The following GAS6 variants were observed in gnomAD, a reference collection of about 807,000 sequenced individuals.
GAS6 encodes the protein growth arrest-specific protein 6.
Under a neutral mutation model 75.8 loss-of-function variants are expected in GAS6, and 41 were observed. The ratio of observed to expected loss-of-function variants is 0.54; its 90% confidence interval spans 0.42 to 0.70. The LOEUF (loss-of-function observed/expected upper bound fraction) is 0.70. Among genes scored for constraint, GAS6 ranks in the 30% least tolerant of loss-of-function variants. The pLI, the probability that GAS6 is intolerant of heterozygous loss-of-function variation, is 0.00. For synonymous variants in GAS6, 432 were observed against 412.6 expected, an observed-to-expected ratio of 1.05 and a Z score of -0.57; for missense variants, 854 against 940.2, an observed-to-expected ratio of 0.91 and a Z score of 1.20.
At chr13:113,855,296 G>A (rs2051905643) in intron 2 of GAS6, among the ~76,000 whole-genome samples, 1 of 152,116 alleles carries the variant, frequency 6.6e-6, no homozygotes, top group African/African-American at 2.4e-5. Context: ...TGGGGCCTAG[G>A]CTTCCATCAG....
chr13:113,847,055 G>C (rs938989602), intron 3 of GAS6: 2 of 501,942 alleles, frequency 4.0e-6, no homozygotes, highest in Admixed American at 2.0e-5. Flanking sequence ...TAGGGCGGCG[G>C]GGGGAGGCGA....
Position 113,839,749 on chromosome 13 carries a change from C to G in GAS6, c.445G>C (p.Gly149Arg). 13 of 1,613,966 alleles carry G rather than the reference C, an allele frequency of 8.1e-6. No homozygotes were observed. Among genetic ancestry groups the G allele is most frequent in the Non-Finnish European group, 1.0e-5 (12 of 1,179,974 alleles). The change falls in exon 5 of 15, where the codon GGG (glycine) becomes CGG (arginine). Residue 149 changes from glycine (G) to arginine (R), a missense_variant. Coordinates refer to ENST00000327773, the MANE Select transcript of GAS6 (RefSeq NM_000820.4). ...GTACCTTTGTCGCAGAGCCGGCCCC[C>G]CCAGCCAGCTTTACACAGGCAGAAG... ...NFFCLCKAGW[G>R]GRLCDKDVNE...
At chr13:113,823,735 C>T (rs921648253) in intron 12 of GAS6, among the ~76,000 whole-genome samples, 185 bp from the exon 13 acceptor site, 16 of 152,286 alleles carry the variant, frequency 1.1e-4, no homozygotes, top group East Asian at 3.9e-4. Flanking sequence ...CCAGAGGCAC[C>T]GGGGACCCCC....
chr13:113,829,154 C>T lies in GAS6; in HGVS notation c.1144-443G>A, dbSNP rs112099619. Among the ~76,000 whole-genome samples the T allele has an allele frequency of 1.7e-3, 169 of 99,712 alleles. 5 individuals carry two copies. The highest frequency in any genetic ancestry group is 0.011 in the African/African-American group (161 of 14,802). 65.4% of individuals were successfully genotyped at this position (99,712 alleles called of 152,430 possible). The stretch of plus-strand genomic sequence containing the variant: ...AGGGTCCCGACCTCAGGGAGACCAC[C>T]TGATCCTCCCCTGAGCCAAGAGGGT... On this transcript the variant is annotated intron_variant, in intron 10 of 14. Coordinates refer to ENST00000327773, the MANE Select transcript of GAS6 (RefSeq NM_000820.4).
intron 10 of GAS6, among the ~76,000 whole-genome samples, chr13:113,829,331 A>G (rs1450616220): frequency 6.8e-6 from 1 of 148,098 alleles, no homozygotes; most frequent in East Asian, 2.1e-4. Context: ...AATCTCAGGG[A>G]GACCACCTGA....
At position 113,832,736 on chromosome 13, in the gene GAS6, A is replaced by G. The variant is rs199643057; in HGVS notation, c.851T>C (p.Val284Ala). The G allele has an allele frequency of 6.2e-7, 1 of 1,612,712 alleles. No homozygotes were observed. The highest frequency in any genetic ancestry group is 8.5e-7 in the Non-Finnish European group (1 of 1,179,924). ...MDTCEDILPCVPFSVAKSVKS... is the reference protein window; with the variant it reads ...MDTCEDILPCAPFSVAKSVKS... ...CACACTCTTGGCCACGCTGAAGGGC[A>G]CGCACGGCAAGATGTCCTGCCACGG... Residue 284 changes from valine (V) to alanine (A), a missense_variant, in exon 9 of 15, where the codon GTG becomes GCG. By Grantham distance (64) the Val-to-Ala change is moderately conservative. Coordinates refer to ENST00000327773, the MANE Select transcript of GAS6 (RefSeq NM_000820.4).
Position 113,848,148 on chromosome 13 carries a change from G to A in GAS6, c.256-98C>T, listed in dbSNP as rs1470680973. On this transcript the variant is annotated intron_variant, in intron 2 of 14. Coordinates refer to ENST00000327773, the MANE Select transcript of GAS6 (RefSeq NM_000820.4). This position sits in a 1 kb window ranked among gnomAD's most constrained non-coding sequence, Gnocchi z 4.8. ...AGCTGGTTAATCAGAGGCTGCTCTC[G>A]GGGCAGCCAGAGGGCCGCCCCACCC... The A allele has an allele frequency of 3.7e-6, 5 of 1,361,622 alleles. No homozygotes were observed. The highest frequency in any genetic ancestry group is 1.8e-4 in the Middle Eastern group (1 of 5,488). The allele number at this position is 1,361,622 out of a possible 1,614,324, so 84.3% of individuals were successfully genotyped here.
intron 10 of GAS6, 105 bp from the exon 11 acceptor site, chr13:113,828,816 A>G (rs557692381): frequency 2.6e-4 from 352 of 1,330,968 alleles, no homozygotes; most frequent in Non-Finnish European, 3.5e-4. Context: ...GAGGGTCCCG[A>G]CCTCGGGGAG....
chr13:113,835,981 C>A (rs1316842224), intron 6 of GAS6: 3 of 1,070,330 alleles, frequency 2.8e-6, no homozygotes, highest in Non-Finnish European at 3.4e-6. Flanking sequence ...AAAAAGTAAC[C>A]CCCCGGGGGC....
At chr13:113,823,596 G>A (rs758116137) in intron 12 of GAS6, 46 bp from the exon 13 acceptor site, 4 of 1,555,900 alleles carry the variant, frequency 2.6e-6, no homozygotes, top group South Asian at 1.2e-5. Context: ...ACGGTGGAGA[G>A]GCCACAGTGA....
At chr13:113,828,918 G>A (rs1191685926) in intron 10 of GAS6, among the ~76,000 whole-genome samples, 1 of 139,276 alleles carries the variant, frequency 7.2e-6, no homozygotes, top group African/African-American at 2.9e-5. Context: ...ATCTCAGGGA[G>A]ACCACCTGAT....
chr13:113,862,868 C>G (rs1392326201), intron 2 of GAS6, among the ~76,000 whole-genome samples: 3 of 152,184 alleles, frequency 2.0e-5, no homozygotes. Context: ...CACACCTTCT[C>G]GGACTTTCCA....
At chr13:113,851,715 G>A (rs1456014077) in intron 2 of GAS6, among the ~76,000 whole-genome samples, 1 of 152,230 alleles carries the variant, frequency 6.6e-6, no homozygotes, top group Non-Finnish European at 1.5e-5. Context: ...GCAAGGGCCT[G>A]CAGTTTTCAC....
At chr13:113,823,156 G>A (rs926521712) in intron 13 of GAS6, 17 of 486,992 alleles carry the variant, frequency 3.5e-5, no homozygotes, top group East Asian at 6.6e-5. Flanking sequence ...GCTCGCAGGC[G>A]CCGGCCCCCT....
rs1179137623 is a variant in GAS6 at position 113,837,049 on chromosome 13, C to T, written c.589+1020G>A. Among the ~76,000 whole-genome samples the T allele has an allele frequency of 6.6e-6, 1 of 151,786 alleles. No individual in the cohort carries two copies. The highest frequency in any genetic ancestry group is 6.6e-5 in the Admixed American group (1 of 15,250). On this transcript the variant is annotated intron_variant, in intron 6 of 14. Transcript: ENST00000327773. The surrounding 1 kb of genome is among the most constrained non-coding windows in gnomAD (Gnocchi z 5.1). Reference sequence around the variant, plus strand: ...GACCCACGGGAGATGCTTTAGACGTCATCTCTCAGGATCGGCCTAGTCTTC... The same window carrying T: ...GACCCACGGGAGATGCTTTAGACGTTATCTCTCAGGATCGGCCTAGTCTTC...
In GAS6 at chr13:113,828,572, A is replaced by G; in HGVS notation, c.1283T>C (p.Phe428Ser). 6.2e-7 allele frequency: 1 copy of G among 1,613,474 alleles called. No individual in the cohort carries two copies. Residue 428 changes from phenylalanine (F) to serine (S), a missense_variant, in exon 11 of 15, where the codon TTC becomes TCC. By Grantham distance (155) the Phe-to-Ser change is radical (BLOSUM62 -2). Coordinates refer to ENST00000327773, the MANE Select transcript of GAS6 (RefSeq NM_000820.4). The part of the protein sequence containing the change: ...HLNLTVGGIP[F>S]HEKDLVQPIN... Reference sequence around the variant, plus strand: ...AGGCTGCACGAGGTCCTTCTCATGGAAGGGAATACCTCCCACGGTCAGGTT... The same window carrying G: ...AGGCTGCACGAGGTCCTTCTCATGGGAGGGAATACCTCCCACGGTCAGGTT...
intron 2 of GAS6, among the ~76,000 whole-genome samples, chr13:113,859,144 ATG>A (rs912627508): frequency 1.4e-5 from 2 of 147,328 alleles, no homozygotes; most frequent in Non-Finnish European, 3.0e-5. Context: ...GTCTATGTGA[ATG>A]TGTGCATGTA....
At position 113,848,386 on chromosome 13, in the gene GAS6, C is replaced by T. The variant is rs887598191; in HGVS notation, c.256-336G>A. Among the ~76,000 whole-genome samples the T allele has an allele frequency of 6.6e-6, 1 of 152,188 alleles. No homozygotes were observed. Among genetic ancestry groups the T allele is most frequent in the African/African-American group, 2.4e-5 (1 of 41,450 alleles). ...CAAAGACCTTAGTTCCCTGTTGACACAAAGGTCTCTCAAAACCCCAAAGAC... is the reference window on the plus strand; with the variant it reads ...CAAAGACCTTAGTTCCCTGTTGACATAAAGGTCTCTCAAAACCCCAAAGAC... On this transcript the variant is annotated intron_variant, in intron 2 of 14. Coordinates refer to ENST00000327773, the MANE Select transcript of GAS6 (RefSeq NM_000820.4). This position sits in a 1 kb window ranked among gnomAD's most constrained non-coding sequence, Gnocchi z 4.8.
chr13:113,846,845 C>G, intron 3 of GAS6: 1 of 531,414 alleles, frequency 1.9e-6, no homozygotes, highest in East Asian at 3.4e-5. Context: ...CCCGCCGTTT[C>G]GAGGGGGCTC....
Sources: gnomAD v4.1 joint callset for allele counts (sites outside exome capture counted in the v4.1 genomes callset) on GRCh38, gnomAD v4.1.1 for gene constraint, Gnocchi (gnomAD v3.1) non-coding constraint, MANE v1.5 for transcripts, NCBI Gene and HGNC (gene_info 2026-07-23, HGNC 2026-07-21) for gene names.